The following TNS3 variants were observed in gnomAD, a reference collection of about 807,000 sequenced individuals.
TNS3 encodes tensin-3.
A neutral mutation model predicts 140.9 loss-of-function variants in TNS3; 45 were observed. The observed-to-expected ratio is 0.32, with a 90% CI of 0.25 to 0.41. TNS3 has a LOEUF of 0.41. Ranked by LOEUF, TNS3 falls within the 10% of genes least tolerant of loss-of-function variation. The pLI is 1.00. For synonymous variants in TNS3, 815 were observed against 788.4 expected, an observed-to-expected ratio of 1.03 and a Z score of -0.56; for missense variants, 1,716 against 1,906.7, an observed-to-expected ratio of 0.90 and a Z score of 1.86.
chr7:47,558,419 C>A (rs939468275), intron 1 of TNS3, among the ~76,000 whole-genome samples: 1 of 152,178 alleles, frequency 6.6e-6, no homozygotes, highest in Middle Eastern at 3.4e-3. Flanking sequence ...CTCCTCCATG[C>A]AAGAGTGGGT....
At chr7:47,504,143 G>A (rs1344344995) in intron 3 of TNS3, among the ~76,000 whole-genome samples, 1 of 152,230 alleles carries the variant, frequency 6.6e-6, no homozygotes, top group Non-Finnish European at 1.5e-5. Flanking sequence ...CCACTGAGCT[G>A]CATGGCCTGG....
At chr7:47,287,302 A>G (rs1476020646) in intron 27 of TNS3, among the ~76,000 whole-genome samples, 1 of 152,226 alleles carries the variant, frequency 6.6e-6, no homozygotes, top group Non-Finnish European at 1.5e-5. Flanking sequence ...GAACAAAGGC[A>G]TAATGGCCTT....
intron 4 of TNS3, among the ~76,000 whole-genome samples, chr7:47,457,551 C>T (rs897243983): frequency 7.2e-5 from 11 of 152,156 alleles, no homozygotes; most frequent in Admixed American, 3.3e-4. Context: ...CCCACTTTCT[C>T]CACTAAATTA....
chr7:47,355,342 C>T (rs1282468544), intron 17 of TNS3, among the ~76,000 whole-genome samples: 3 of 152,224 alleles, frequency 2.0e-5, no homozygotes, highest in Non-Finnish European at 1.5e-5. Flanking sequence ...AAAGCCACCA[C>T]AACAGGGTGG....
At chr7:47,549,837 G>A (rs552267294) in intron 1 of TNS3, among the ~76,000 whole-genome samples, 2 of 152,256 alleles carry the variant, frequency 1.3e-5, no homozygotes, top group South Asian at 4.2e-4. Context: ...TACTCCTGAT[G>A]GGCCCTGGCA....
intron 8 of TNS3, 60 bp downstream of exon 8, chr7:47,435,222 T>C: frequency 6.2e-7 from 1 of 1,604,596 alleles, no homozygotes. Flanking sequence ...TTGGTCTCCA[T>C]CTCAACTCCA....
At chr7:47,532,673 T>C (rs1311675602) in intron 1 of TNS3, among the ~76,000 whole-genome samples, 2 of 152,146 alleles carry the variant, frequency 1.3e-5, no homozygotes, top group African/African-American at 2.4e-5. Context: ...TCTGCCTATC[T>C]CATTCTTCCT....
intron 10 of TNS3, among the ~76,000 whole-genome samples, chr7:47,415,755 G>A (rs1024852459): frequency 1.3e-5 from 2 of 152,230 alleles, no homozygotes; most frequent in East Asian, 3.8e-4. Flanking sequence ...CCTTCCTGCT[G>A]TCCCCCTCTT....
chr7:47,302,056 C>T, intron 23 of TNS3, 130 bp downstream of exon 23: 1 of 703,506 alleles, frequency 1.4e-6, no homozygotes, highest in Non-Finnish European at 2.5e-6. Context: ...ACGTGTGGGC[C>T]CTGCTCAAAC....
chr7:47,394,803 G>A (rs764823763), intron 16 of TNS3, among the ~76,000 whole-genome samples: 1 of 152,226 alleles, frequency 6.6e-6, no homozygotes, highest in Non-Finnish European at 1.5e-5. Flanking sequence ...CACCACCTGT[G>A]AGTGACATGC....
intron 8 of TNS3, 61 bp downstream of exon 8, chr7:47,435,221 A>G: frequency 8.1e-6 from 13 of 1,603,928 alleles, no homozygotes; most frequent in Non-Finnish European, 1.1e-5. Flanking sequence ...ATTGGTCTCC[A>G]TCTCAACTCC....
intron 16 of TNS3, among the ~76,000 whole-genome samples, chr7:47,370,715 C>T (rs1791016501): frequency 6.6e-6 from 1 of 152,228 alleles, no homozygotes; most frequent in Non-Finnish European, 1.5e-5. Flanking sequence ...TCTACTTCCT[C>T]GACTGTGAAA....
At chr7:47,529,814 C>T (rs1799327817) in intron 1 of TNS3, among the ~76,000 whole-genome samples, 1 of 152,222 alleles carries the variant, frequency 6.6e-6, no homozygotes, top group South Asian at 2.1e-4. Context: ...ATTCAATTTG[C>T]TTTTAGAGTC....
chr7:47,416,897 C>T (rs1794109491), intron 10 of TNS3, among the ~76,000 whole-genome samples: 2 of 152,212 alleles, frequency 1.3e-5, no homozygotes, highest in Non-Finnish European at 2.9e-5. Context: ...TGGAGCAGTT[C>T]CGCCCTCCTT....
intron 20 of TNS3, among the ~76,000 whole-genome samples, chr7:47,337,707 T>C (rs1788711285): frequency 6.6e-6 from 1 of 152,230 alleles, no homozygotes; most frequent in South Asian, 2.1e-4. Flanking sequence ...CTCCCCATCC[T>C]GAGGTTCAGT....
chr7:47,574,626 G>GACACACAC (rs3066624), intron 1 of TNS3, among the ~76,000 whole-genome samples: 15 of 145,740 alleles, frequency 1.0e-4, no homozygotes, highest in Middle Eastern at 3.4e-3. Flanking sequence ...TATTCATACA[G>GACACACAC]ACACACACAC....
At chr7:47,504,700 G>A (rs1298968506) in intron 3 of TNS3, among the ~76,000 whole-genome samples, 6 of 152,204 alleles carry the variant, frequency 3.9e-5, no homozygotes, top group Admixed American at 6.5e-5. Flanking sequence ...AAGACCGAGC[G>A]GCTCCCTTAG....
chr7:47,448,115 C>T (rs1325397397), intron 4 of TNS3, among the ~76,000 whole-genome samples: 8 of 152,242 alleles, frequency 5.3e-5, no homozygotes. Context: ...TCCAGAGCAG[C>T]CATCCCTGGA....
chr7:47,479,210 C>T (rs1797319541), intron 4 of TNS3, among the ~76,000 whole-genome samples: 1 of 152,240 alleles, frequency 6.6e-6, no homozygotes, highest in African/African-American at 2.4e-5. Context: ...TTAGAGCCAG[C>T]ACACAGCTTT....
Sources: gnomAD v4.1 joint callset for allele counts (sites outside exome capture counted in the v4.1 genomes callset) on GRCh38, gnomAD v4.1.1 for gene constraint, MANE v1.5 for transcripts, NCBI Gene and HGNC (gene_info 2026-07-23, HGNC 2026-07-21) for gene names.